The following FGD4 variants were observed in gnomAD, a reference collection of about 807,000 sequenced individuals.
FGD4 encodes FYVE, RhoGEF and PH domain containing 4.
Under a neutral mutation model 102.0 loss-of-function variants are expected in FGD4, and 42 were observed. The observed-to-expected ratio is 0.41, with a 90% confidence interval of 0.32 to 0.53. The LOEUF (loss-of-function observed/expected upper bound fraction) is 0.53, where lower values mean the gene tolerates loss of function less well. Among genes scored for constraint, FGD4 ranks in the 20% least tolerant of loss-of-function variants. FGD4 has a pLI of 0.21. For synonymous variants in FGD4, 380 were observed against 375.7 expected, an observed-to-expected ratio of 1.01 and a Z score of -0.13; for missense variants, 902 against 1,078.2, an observed-to-expected ratio of 0.84 and a Z score of 2.29.
chr12:32,488,111 A>C (rs962696530), intron 1 of FGD4, among the ~76,000 whole-genome samples: 10 of 151,832 alleles, frequency 6.6e-5, no homozygotes, highest in Non-Finnish European at 1.5e-5. Flanking sequence ...GCTTTTGGCT[A>C]GTTTTTCTTT....
intron 15 of FGD4, among the ~76,000 whole-genome samples, chr12:32,638,380 G>A (rs1950970797): frequency 1.3e-5 from 2 of 152,046 alleles, no homozygotes; most frequent in Admixed American, 1.3e-4. Context: ...GTTGGTGTGA[G>A]GATTAAATGA....
chr12:32,434,531 G>A (rs2728674), intron 1 of FGD4, among the ~76,000 whole-genome samples: 50,671 of 152,026 alleles, frequency 0.33, 9,395 homozygotes, highest in African/African-American at 0.48. Context: ...CCTTAGAAAT[G>A]TTAGGCCTTT....
intron 1 of FGD4, among the ~76,000 whole-genome samples, chr12:32,499,195 C>T (rs550940144): frequency 7.2e-5 from 11 of 152,326 alleles, no homozygotes; most frequent in Non-Finnish European, 1.3e-4. Context: ...TTGCCGCCTG[C>T]GCAGTATTTG....
chr12:32,437,220 A>G (rs1326128787), intron 1 of FGD4, among the ~76,000 whole-genome samples: 1 of 152,214 alleles, frequency 6.6e-6, no homozygotes, highest in African/African-American at 2.4e-5. Flanking sequence ...ACGTTTGGCC[A>G]GACGGCTGAT....
At chr12:32,453,012 A>G (rs1942824222) in intron 1 of FGD4, among the ~76,000 whole-genome samples, 1 of 151,690 alleles carries the variant, frequency 6.6e-6, no homozygotes, top group Non-Finnish European at 1.5e-5. Context: ...CACTAGATAC[A>G]CAATTTTATT....
In FGD4 at chr12:32,640,289, A is replaced by G; in HGVS notation, c.2468A>G (p.Gln823Arg). The change falls in exon 17 of 17, where the codon CAG becomes CGG. Residue 823 changes from glutamine to arginine, a missense_variant. Gln to Arg is a conservative substitution (Grantham distance 43, BLOSUM62 1). Coordinates refer to ENST00000534526, the MANE Select transcript of FGD4 (RefSeq NM_001370298.3). ...TCTTTTCTTTAGGACGTCAGAGCCC[A>G]GGCCACCATTCCACTTCTGGGCTAT... ...MYGAPQDVRA[Q>R]ATIPLLGYVV... is the part of the protein sequence containing the mutation. The G allele has an allele frequency of 6.2e-7, 1 of 1,614,230 alleles. No homozygotes were observed. Among genetic ancestry groups the G allele is most frequent in the Non-Finnish European group, 8.5e-7 (1 of 1,180,030 alleles).
chr12:32,453,538 A>G (rs1040080540), intron 1 of FGD4, among the ~76,000 whole-genome samples: 5 of 151,856 alleles, frequency 3.3e-5, no homozygotes, highest in African/African-American at 1.2e-4. Flanking sequence ...CCAGCCTAGG[A>G]TCTCTTAATT....
intron 1 of FGD4, among the ~76,000 whole-genome samples, chr12:32,478,148 T>G (rs1378330863): frequency 6.6e-6 from 1 of 152,252 alleles, no homozygotes; most frequent in Non-Finnish European, 1.5e-5. Context: ...TATTTTCTTT[T>G]TTATCGTATT....
intron 2 of FGD4, among the ~76,000 whole-genome samples, chr12:32,568,858 A>G (rs375715885): frequency 6.6e-6 from 1 of 152,202 alleles, no homozygotes; most frequent in Admixed American, 6.5e-5. Flanking sequence ...TTCATTCTAG[A>G]TAATTACTTT....
At chr12:32,626,447 A>G (rs995511983) in intron 14 of FGD4, among the ~76,000 whole-genome samples, 3 of 37,106 alleles carry the variant, frequency 8.1e-5, no homozygotes, top group African/African-American at 2.0e-4. Context: ...TCCATCTCAG[A>G]AAAAAAAAAA....
intron 7 of FGD4, among the ~76,000 whole-genome samples, chr12:32,603,681 G>A (rs960654782): frequency 1.3e-5 from 2 of 151,700 alleles, no homozygotes; most frequent in Non-Finnish European, 1.5e-5. Flanking sequence ...CACCGCGCCT[G>A]GCCTTTGTTT....
chr12:32,438,546 T>C (rs536459927), intron 1 of FGD4, among the ~76,000 whole-genome samples: 2 of 152,184 alleles, frequency 1.3e-5, no homozygotes, highest in Non-Finnish European at 2.9e-5. Context: ...TGCTTTTAGT[T>C]GTTTTTTTAA....
chr12:32,554,479 A>G (rs572938644), intron 1 of FGD4, among the ~76,000 whole-genome samples: 48 of 152,346 alleles, frequency 3.2e-4, no homozygotes, highest in African/African-American at 1.1e-3. Flanking sequence ...TGTTTGACAA[A>G]TACATATTGA....
intron 16 of FGD4, among the ~76,000 whole-genome samples, chr12:32,639,636 G>T (rs1951050552): frequency 6.6e-6 from 1 of 152,146 alleles, no homozygotes; most frequent in Non-Finnish European, 1.5e-5. Flanking sequence ...ATGATATGCA[G>T]GTTTAGCTTT....
intron 1 of FGD4, among the ~76,000 whole-genome samples, chr12:32,415,757 G>A (rs528218270): frequency 4.8e-4 from 73 of 152,186 alleles, no homozygotes; most frequent in African/African-American, 1.7e-3. Flanking sequence ...CTTTATATCT[G>A]GGTGTTACAT....
Position 32,644,140 on chromosome 12 carries a change from G to A in FGD4, c.*3607G>A, listed in dbSNP as rs543578164. ...TAAAATTAACTCAAAAGTCAAGAAT[G>A]TCTTAATGTTTTCATTCTTAAATTT... is the stretch of plus-strand genomic sequence containing the variant. On this transcript the variant is annotated 3_prime_UTR_variant, in exon 17 of 17. Coordinates refer to ENST00000534526, the MANE Select transcript of FGD4 (RefSeq NM_001370298.3). 2 of 152,218 alleles carry A rather than the reference G, an allele frequency of 1.3e-5. No individual in the cohort carries two copies. The highest frequency in any genetic ancestry group is 4.1e-4 in the South Asian group (2 of 4,834). The allele number at this position is 152,218 out of a possible 1,614,324, so 9.4% of individuals were successfully genotyped here. A position where few individuals can be genotyped will look rare whatever the true frequency, so the allele number is the denominator to read the frequency against.
At chr12:32,548,417 TGTCTCA>T (rs201088180) in intron 1 of FGD4, among the ~76,000 whole-genome samples, 2,255 of 152,350 alleles carry the variant, frequency 0.015, 30 homozygotes, top group Non-Finnish European at 0.021. Flanking sequence ...TTATGATACT[TGTCTCA>T]ATGAAATAAA....
At position 32,582,130 on chromosome 12, in the gene FGD4, G is replaced by A. The variant is rs201660852; in HGVS notation, c.674G>A (p.Cys225Tyr). Residue 225 changes from cysteine to tyrosine, a missense_variant, in exon 4 of 17, where the codon TGT becomes TAT. Coordinates refer to ENST00000534526, the MANE Select transcript of FGD4 (RefSeq NM_001370298.3). ...DTDKTQGAQT[C>Y]VANGVMAAQN... ...GATAAGACTCAGGGTGCACAGACTT[G>A]TGTGGCCAACGGTGTAATGGCAGCA... 1.9e-6 allele frequency: 3 copies of A among 1,614,234 alleles called. No individual in the cohort carries two copies. In the East Asian group the frequency reaches 6.7e-5, roughly 36 times the overall value.
At chr12:32,521,895 G>A (rs574649561) in intron 1 of FGD4, among the ~76,000 whole-genome samples, 119 of 152,090 alleles carry the variant, frequency 7.8e-4, no homozygotes, top group Middle Eastern at 6.8e-3. Context: ...GGCTATATAG[G>A]TATTTTATAA....
Sources: gnomAD v4.1 joint callset for allele counts (sites outside exome capture counted in the v4.1 genomes callset) on GRCh38, gnomAD v4.1.1 for gene constraint, MANE v1.5 for transcripts, NCBI Gene and HGNC (gene_info 2026-07-23, HGNC 2026-07-21) for gene names.